RBFOX1: variants seen among roughly 807,000 people sequenced by gnomAD.
RBFOX1 encodes the protein RNA binding protein fox-1 homolog 1.
Under a neutral mutation model 57.7 loss-of-function variants are expected in RBFOX1, and 8 were observed. The ratio of observed to expected loss-of-function variants is 0.14; its 90% CI spans 0.08 to 0.25. The LOEUF (loss-of-function observed/expected upper bound fraction) is 0.25. Ranked by LOEUF, RBFOX1 falls within the 10% of genes least tolerant of loss-of-function variation. The probability of loss-of-function intolerance (pLI) is 1.00; values close to 1 mark genes in which losing one functional copy is unlikely to be tolerated. For missense variants in RBFOX1, 611 were observed against 548.5 expected, an observed-to-expected ratio of 1.11 and a Z score of -1.14; for synonymous variants, 326 against 222.4, an observed-to-expected ratio of 1.47 and a Z score of -4.15.
intron 8 of RBFOX1, among the ~76,000 whole-genome samples, chr16:7,596,142 A>G (rs1602865517): frequency 2.2e-5 from 2 of 91,590 alleles, no homozygotes; most frequent in African/African-American, 6.6e-5. Flanking sequence ...AAAACAAAAA[A>G]AAAAACGAGA....
intron 3 of RBFOX1, among the ~76,000 whole-genome samples, chr16:6,834,439 G>C (rs953817809): frequency 6.6e-6 from 1 of 152,022 alleles, no homozygotes; most frequent in Non-Finnish European, 1.5e-5. Context: ...GTTTGGGAGG[G>C]GAAGCGTCAA....
At chr16:5,598,687 G>C (rs1200263057) in intron 2 of RBFOX1, among the ~76,000 whole-genome samples, 1 of 152,154 alleles carries the variant, frequency 6.6e-6, no homozygotes, top group African/African-American at 2.4e-5. Flanking sequence ...AATGAGACTA[G>C]CCACGGGGCT....
At position 6,431,882 on chromosome 16, in the gene RBFOX1, A is replaced by ATGCTTGCTTGCTTGCTTGCT. The variant is rs530288649; in HGVS notation, c.-64+114842_-64+114843insGCTTGCTTGCTTGCTTGCTT. Among the ~76,000 whole-genome samples the ATGCTTGCTTGCTTGCTTGCT allele has an allele frequency of 4.0e-3, 502 of 126,442 alleles. 4 individuals carry two copies. The highest frequency in any genetic ancestry group is 9.7e-3 in the East Asian group (38 of 3,902). 83.0% of individuals were successfully genotyped at this position (126,442 alleles called of 152,430 possible). ...TTTATTTATGAACATGTCCAGAAAT[A>ATGCTTGCTTGCTTGCTTGCT]TGCTTGCTTGCTTGCTTTCTTTCTT... On this transcript the variant is annotated intron_variant, in intron 2 of 15. Coordinates refer to ENST00000550418, the MANE Select transcript of RBFOX1 (RefSeq NM_018723.4).
At chr16:6,779,026 A>G (rs2079878132) in intron 3 of RBFOX1, among the ~76,000 whole-genome samples, 1 of 151,924 alleles carries the variant, frequency 6.6e-6, no homozygotes, top group African/African-American at 2.4e-5. Context: ...TTCCAAAACT[A>G]CTACTCTAGT....
rs540667322 is a variant in RBFOX1, at chr16:6,276,968, T to C, written c.-126-40027T>C. Among the ~76,000 whole-genome samples, 11 of 152,292 alleles carry C rather than the reference T, an allele frequency of 7.2e-5. No individual in the cohort carries two copies. In the East Asian group the frequency reaches 2.1e-3, roughly 29 times the overall value. ...TCAGTAACCATTTGTGAAATGAATTTGATTTAAATAAATGTACATTTCCAG... is the reference window on the plus strand; with the variant it reads ...TCAGTAACCATTTGTGAAATGAATTCGATTTAAATAAATGTACATTTCCAG... On this transcript the variant is annotated intron_variant, in intron 1 of 15. Transcript: ENST00000550418.
At chr16:5,833,088 A>G (rs144339405) in intron 3 of RBFOX1, among the ~76,000 whole-genome samples, 6 of 152,184 alleles carry the variant, frequency 3.9e-5, no homozygotes, top group Non-Finnish European at 8.8e-5. Context: ...GTACAGGACA[A>G]TGCAAGGGTC....
chr16:6,033,061 C>G (rs1045664603), intron 1 of RBFOX1, among the ~76,000 whole-genome samples: 26 of 151,992 alleles, frequency 1.7e-4, no homozygotes, highest in African/African-American at 5.8e-4. Context: ...CGTTTGTCAT[C>G]TGAGTTGTGA....
intron 3 of RBFOX1, among the ~76,000 whole-genome samples, chr16:6,811,368 T>C (rs1384406336): frequency 6.6e-6 from 1 of 152,254 alleles, no homozygotes; most frequent in Admixed American, 6.5e-5. Context: ...GGATCACTTC[T>C]ATTAAATGTG....
chr16:7,578,839 T>C (rs2152829330), intron 5 of RBFOX1, among the ~76,000 whole-genome samples: 1 of 152,324 alleles, frequency 6.6e-6, no homozygotes. Context: ...AGTATGGCAG[T>C]GGCTATAATG....
chr16:7,048,893 G>C (rs1220127543), intron 3 of RBFOX1, among the ~76,000 whole-genome samples: 1 of 152,098 alleles, frequency 6.6e-6, no homozygotes. Context: ...CAATCTTGTT[G>C]CATTCAGGCT....
At chr16:5,304,732 A>G (rs921969144) in intron 1 of RBFOX1, among the ~76,000 whole-genome samples, 3 of 152,172 alleles carry the variant, frequency 2.0e-5, no homozygotes, top group African/African-American at 4.8e-5. Flanking sequence ...AACTCCATCT[A>G]TCATAACTGG....
chr16:6,763,767 A>C (rs77867134), intron 3 of RBFOX1, among the ~76,000 whole-genome samples: 1,963 of 152,316 alleles, frequency 0.013, 18 homozygotes, highest in Non-Finnish European at 0.021. Context: ...TTCCACACAA[A>C]CATTAAATGT....
intron 2 of RBFOX1, among the ~76,000 whole-genome samples, chr16:6,616,725 A>G (rs11865842): frequency 0.08 from 12,134 of 152,230 alleles, 748 homozygotes; most frequent in African/African-American, 0.16. Flanking sequence ...ATGAGCCACC[A>G]TGCCCGGCAA....
chr16:5,342,695 G>C lies in RBFOX1; in HGVS notation c.219+102590G>C, dbSNP rs2065058007. 2.6e-5 allele frequency among the ~76,000 whole-genome samples: 4 copies of C among 152,124 alleles called. No individual in the cohort carries two copies. In the South Asian group the frequency reaches 8.3e-4, roughly 32 times the overall value. On this transcript the variant is annotated intron_variant, in intron 1 of 2. Coordinates refer to the RBFOX1 transcript ENST00000585867. Reference sequence around the variant, plus strand: ...TAGACTGCATTGTGAAGGAAGCCTTGAGCAGTCTCCTACCTGTACCCCAAA... The same window carrying C: ...TAGACTGCATTGTGAAGGAAGCCTTCAGCAGTCTCCTACCTGTACCCCAAA...
intron 14 of RBFOX1, among the ~76,000 whole-genome samples, chr16:7,687,687 G>A (rs2076354280): frequency 6.6e-6 from 1 of 151,918 alleles, no homozygotes; most frequent in Non-Finnish European, 1.5e-5. Flanking sequence ...AAGCAACCTG[G>A]TAAGCATGAT....
intron 4 of RBFOX1, among the ~76,000 whole-genome samples, chr16:7,453,851 C>T (rs145574809): frequency 1.0e-3 from 152 of 152,262 alleles, no homozygotes; most frequent in African/African-American, 3.3e-3. Flanking sequence ...AGTTCATGTC[C>T]TCTAAACAGA....
At chr16:7,186,878 C>G (rs1567620902) in intron 4 of RBFOX1, among the ~76,000 whole-genome samples, 1 of 150,804 alleles carries the variant, frequency 6.6e-6, no homozygotes, top group Non-Finnish European at 1.5e-5. Flanking sequence ...GCTCTCTAGG[C>G]CAGGCACAGT....
chr16:6,863,698 A>C (rs1258243313), intron 3 of RBFOX1, among the ~76,000 whole-genome samples: 1 of 125,370 alleles, frequency 8.0e-6, no homozygotes, highest in Non-Finnish European at 1.6e-5. Context: ...AAAAGAAATG[A>C]CCGGAAGCAC....
At chr16:5,815,517 G>T (rs1005975114) in intron 3 of RBFOX1, among the ~76,000 whole-genome samples, 4 of 152,032 alleles carry the variant, frequency 2.6e-5, no homozygotes, top group African/African-American at 7.2e-5. Context: ...CCAAGAAAAG[G>T]TCCAAATTCC....
Sources: gnomAD v4.1 joint callset for allele counts (sites outside exome capture counted in the v4.1 genomes callset) on GRCh38, gnomAD v4.1.1 for gene constraint, MANE v1.5 for transcripts, NCBI Gene and HGNC (gene_info 2026-07-23, HGNC 2026-07-21) for gene names.